The following NBAS variants were observed in gnomAD, a reference collection of about 807,000 sequenced individuals.
NBAS encodes the protein NAG/BC035112 fusion.
A neutral mutation model predicts 302.5 loss-of-function variants in NBAS; 219 were observed. The ratio of observed to expected loss-of-function variants is 0.72; its 90% CI spans 0.65 to 0.81. The LOEUF (loss-of-function observed/expected upper bound fraction) is 0.81. Among genes scored for constraint, NBAS ranks in the 30% least tolerant of loss-of-function variants. The pLI is 0.00. For synonymous variants in NBAS, 1,118 were observed against 1,021.6 expected, an observed-to-expected ratio of 1.09 and a Z score of -1.80; for missense variants, 2,932 against 2,841.6, an observed-to-expected ratio of 1.03 and a Z score of -0.72.
At chr2:15,552,824 C>T (rs1250010573) in intron 5 of NBAS, among the ~76,000 whole-genome samples, 2 of 149,706 alleles carry the variant, frequency 1.3e-5, no homozygotes, top group Non-Finnish European at 1.5e-5. Context: ...GACAGAGTCT[C>T]GCTCTGTCGC....
chr2:15,510,843 C>T (rs551873857), intron 10 of NBAS, among the ~76,000 whole-genome samples: 3 of 152,254 alleles, frequency 2.0e-5, no homozygotes, highest in East Asian at 3.9e-4. Flanking sequence ...CAATATTTAC[C>T]TCAAAGGGTT....
At chr2:15,049,097 C>T in the NBAS span, among the ~76,000 whole-genome samples, 2 of 150,916 alleles carry the variant, frequency 1.3e-5, no homozygotes, top group African/African-American at 4.9e-5. Context: ...GAATTGTGAA[C>T]TGCTCGCTGC....
At chr2:15,057,203 C>A in the NBAS span, among the ~76,000 whole-genome samples, 2 of 151,746 alleles carry the variant, frequency 1.3e-5, no homozygotes, top group African/African-American at 4.8e-5. Context: ...TCAGGCCCCT[C>A]AGGCAGCCTT....
chr2:15,324,355 C>T (rs1167992063), intron 38 of NBAS, among the ~76,000 whole-genome samples: 1 of 152,158 alleles, frequency 6.6e-6, no homozygotes. Context: ...CCCTTCCTCT[C>T]CAGGTATTGG....
chr2:15,081,188 G>A, the NBAS span, among the ~76,000 whole-genome samples: 4 of 152,040 alleles, frequency 2.6e-5, no homozygotes, highest in Non-Finnish European at 4.4e-5. Flanking sequence ...CAGACTGAAG[G>A]TTGCAATGGG....
In NBAS at chr2:15,308,110, T is replaced by C. The variant is rs1423122205; in HGVS notation, c.4797+106A>G. On this transcript the variant is annotated intron_variant, in intron 40 of 51. Coordinates refer to ENST00000281513, the MANE Select transcript of NBAS (RefSeq NM_015909.4). ...GCTGCCTGCCACTTGGAATACATTC[T>C]GGATACATATGTAATCAGTTCCTCC... 2.0e-6 allele frequency: 3 copies of C among 1,533,202 alleles called. No homozygotes were observed. In the African/African-American group the frequency reaches 4.1e-5, roughly 21 times the overall value. The allele number at this position is 1,533,202 out of a possible 1,614,324, so 95.0% of individuals were successfully genotyped here.
In NBAS at chr2:15,287,140, G is replaced by T. The variant is rs377370918; in HGVS notation, c.5071C>A (p.Gln1691Lys). ...TCCCAGCGGGAGACACTGTAACGTT[G>T]TGCCAGAGAAATAGCAATGCTGTAG... ...SVYSIAISLA[Q>K]RYSVSRWEVF... The change falls in exon 42 of 52, where the codon CAA becomes AAA. Residue 1691 changes from glutamine to lysine, a missense_variant. Coordinates refer to ENST00000281513, the MANE Select transcript of NBAS (RefSeq NM_015909.4). 3.8e-5 allele frequency: 62 copies of T among 1,613,974 alleles called. No homozygotes were observed. Among genetic ancestry groups the T allele is most frequent in the Non-Finnish European group, 5.0e-5 (59 of 1,179,970 alleles).
At chr2:15,257,494 G>C (rs1668656078) in intron 44 of NBAS, among the ~76,000 whole-genome samples, 2 of 151,228 alleles carry the variant, frequency 1.3e-5, no homozygotes, top group African/African-American at 4.9e-5. Context: ...CCGCATTCGA[G>C]AGATTCTCCT....
chr2:15,030,205 A>C, the NBAS span, among the ~76,000 whole-genome samples: 1 of 149,850 alleles, frequency 6.7e-6, no homozygotes, highest in South Asian at 2.1e-4. Flanking sequence ...ATTTTCCCAC[A>C]AAAAAAAATA....
intron 21 of NBAS, among the ~76,000 whole-genome samples, chr2:15,434,361 G>A (rs1034134517): frequency 2.9e-4 from 44 of 152,286 alleles, no homozygotes; most frequent in African/African-American, 9.6e-4. Context: ...CTCTTGGGCA[G>A]ATTACCCTAA....
intron 51 of NBAS, chr2:15,177,848 C>T (rs1449560015): frequency 4.1e-6 from 1 of 241,000 alleles, no homozygotes; most frequent in East Asian, 9.7e-5. Context: ...CCCAAAGAGG[C>T]CTTCGTTCTG....
the NBAS span, among the ~76,000 whole-genome samples, chr2:14,920,444 A>G: frequency 6.6e-6 from 1 of 152,228 alleles, no homozygotes; most frequent in Non-Finnish European, 1.5e-5. Flanking sequence ...TAAAGTCACC[A>G]GCTATATTAT....
chr2:15,407,846 C>T (rs1462000006), intron 25 of NBAS, among the ~76,000 whole-genome samples: 3 of 152,216 alleles, frequency 2.0e-5, no homozygotes, highest in Non-Finnish European at 4.4e-5. Flanking sequence ...ATGGACCTGA[C>T]TGAGCTAAAA....
chr2:15,003,639 GA>G, the NBAS span, among the ~76,000 whole-genome samples: 1 of 152,196 alleles, frequency 6.6e-6, no homozygotes, highest in South Asian at 2.1e-4. Flanking sequence ...AGAGTGAGGG[GA>G]CGAAGGGTCT....
the NBAS span, among the ~76,000 whole-genome samples, chr2:15,051,014 G>A: frequency 6.6e-6 from 1 of 152,180 alleles, no homozygotes; most frequent in South Asian, 2.1e-4. Context: ...CCAGTAAGCT[G>A]CTCAGCATAT....
At chr2:14,871,566 G>A in the NBAS span, among the ~76,000 whole-genome samples, 3 of 151,896 alleles carry the variant, frequency 2.0e-5, no homozygotes, top group African/African-American at 7.2e-5. Context: ...TCATGTAAAA[G>A]ATAAAAGCAA....
At chr2:14,844,829 G>T in the NBAS span, among the ~76,000 whole-genome samples, 1 of 152,048 alleles carries the variant, frequency 6.6e-6, no homozygotes, top group Non-Finnish European at 1.5e-5. Flanking sequence ...ATTGGAAAGG[G>T]GAGGGGAGAG....
At chr2:15,123,326 G>A in the NBAS span, among the ~76,000 whole-genome samples, 1 of 152,112 alleles carries the variant, frequency 6.6e-6, no homozygotes, top group Non-Finnish European at 1.5e-5. Context: ...TTTCACTAAG[G>A]AAAGGAGAAG....
intron 25 of NBAS, among the ~76,000 whole-genome samples, chr2:15,412,029 C>T (rs2003592): frequency 0.59 from 90,143 of 151,762 alleles, 27,900 homozygotes; most frequent in Non-Finnish European, 0.68. Flanking sequence ...CTTTAAGATA[C>T]TATTTTTAAA....
Sources: allele counts gnomAD v4.1 joint callset (sites outside exome capture counted in the v4.1 genomes callset), GRCh38; gene constraint gnomAD v4.1.1; transcripts MANE v1.5; gene names NCBI Gene and HGNC (gene_info 2026-07-23, HGNC 2026-07-21).